The following ERFL variants were observed in gnomAD, a reference collection of about 807,000 sequenced individuals.
ERFL encodes ETS domain-containing transcription factor ERF-like.
Under a neutral mutation model 27.9 loss-of-function variants are expected in ERFL, and 8 were observed. That is an observed-to-expected ratio of 0.29 (90% CI 0.17 to 0.52). The LOEUF (loss-of-function observed/expected upper bound fraction) is 0.52, where lower values mean the gene tolerates loss of function less well. Ranked by LOEUF, ERFL falls within the 20% of genes least tolerant of loss-of-function variation. The pLI is 0.97. For synonymous variants in ERFL, 174 were observed against 202.8 expected, an observed-to-expected ratio of 0.86 and a Z score of 1.21; for missense variants, 294 against 444.4, an observed-to-expected ratio of 0.66 and a Z score of 3.04.
Position 41,925,178 on chromosome 19 carries a change from A to G in ERFL, c.-14+2862T>C, listed in dbSNP as rs186404970. On this transcript the variant is annotated intron_variant, in intron 1 of 5. Coordinates refer to ENST00000597630, the MANE Select transcript of ERFL (RefSeq NM_001365103.2). The stretch of plus-strand genomic sequence containing the variant: ...GCATAGTGGGTGTCGAAGCCTCGGT[A>G]TCTGTTTGCTGATTAAATGATTTGA... Among the ~76,000 whole-genome samples, 116 of 152,266 alleles carry G rather than the reference A, an allele frequency of 7.6e-4. 2 individuals carry two copies. The highest frequency in any genetic ancestry group is 2.7e-3 in the African/African-American group (113 of 41,546).
At position 41,908,375 on chromosome 19, in the gene ERFL, A is replaced by AC; in HGVS notation, c.917dup (p.Pro307SerfsTer26). ...CCTTCCCACCAAGGGCAGCCTCTGG[A>AC]CCCCCAGCCCCTGGCAGCGCCAGGC... On this transcript the variant is annotated frameshift_variant, in exon 6 of 6. Coordinates refer to ENST00000597630, the MANE Select transcript of ERFL (RefSeq NM_001365103.2). LOFTEE classifies it high-confidence loss of function. This position sits in a 1 kb window ranked among gnomAD's most constrained non-coding sequence, Gnocchi z 6.7. 4 of 1,230,826 alleles carry AC rather than the reference A, an allele frequency of 3.2e-6. No homozygotes were observed. The highest frequency in any genetic ancestry group is 4.1e-6 in the Non-Finnish European group (4 of 987,556). 76.2% of individuals were successfully genotyped at this position (1,230,826 alleles called of 1,614,324 possible).
chr19:41,915,325 G>T (rs1555851879), intron 1 of ERFL, among the ~76,000 whole-genome samples: 2 of 151,376 alleles, frequency 1.3e-5, no homozygotes, highest in East Asian at 2.0e-4. Context: ...TCTGTGCCCA[G>T]CCTTCGTCCT....
intron 1 of ERFL, among the ~76,000 whole-genome samples, chr19:41,918,005 C>T (rs902722942): frequency 8.6e-5 from 13 of 151,984 alleles, no homozygotes; most frequent in African/African-American, 2.9e-4. Flanking sequence ...CAGGGGCCGG[C>T]CCTCGACAGG....
At chr19:41,924,720 G>A (rs1599681541) in intron 1 of ERFL, among the ~76,000 whole-genome samples, 1 of 152,094 alleles carries the variant, frequency 6.6e-6, no homozygotes, top group African/African-American at 2.4e-5. Flanking sequence ...GGGGGTGGCT[G>A]GGAACAGGCG....
At chr19:41,926,568 G>C (rs1350738386) in intron 1 of ERFL, among the ~76,000 whole-genome samples, 1 of 152,098 alleles carries the variant, frequency 6.6e-6, no homozygotes, top group Non-Finnish European at 1.5e-5. Context: ...TCTGGCTCTC[G>C]GGTCCCTCCC....
In ERFL at chr19:41,916,045, C is replaced by G. The variant is rs1356016125; in HGVS notation, c.-13-3113G>C. Among the ~76,000 whole-genome samples, 4 of 152,214 alleles carry G rather than the reference C, an allele frequency of 2.6e-5. No individual in the cohort carries two copies. The East Asian group carries it at 7.7e-4, about 29-fold the overall frequency. The stretch of plus-strand genomic sequence containing the variant: ...CCCTTCGCCCCCCATCTCTACCGCC[C>G]GCAGCCATGGCACCGAATGTGTGTG... On this transcript the variant is annotated intron_variant, in intron 1 of 5. Transcript: ENST00000597630. The surrounding 1 kb of genome is among the most constrained non-coding windows in gnomAD (Gnocchi z 5.4).
rs2074761662 is a variant in ERFL, at chr19:41,912,835, G to C, written c.67+18C>G. 1.0e-6 allele frequency: 1 copy of C among 958,456 alleles called. No individual in the cohort carries two copies. The highest frequency in any genetic ancestry group is 3.5e-5 in the East Asian group (1 of 28,536). The allele number at this position is 958,456 out of a possible 1,614,324, so 59.4% of individuals were successfully genotyped here. A position where few individuals can be genotyped will look rare whatever the true frequency, so the allele number is the denominator to read the frequency against. ...CTGAGGGGTGGGGGAAGGGGTGGGG[G>C]AGGTCCGGGCCAGTTACCGGGGGTC... is the stretch of plus-strand genomic sequence containing the variant. On this transcript the variant is annotated intron_variant, in intron 2 of 5. Coordinates refer to ENST00000597630, the MANE Select transcript of ERFL (RefSeq NM_001365103.2).
intron 2 of ERFL, 37 bp downstream of exon 2, chr19:41,912,816 G>A: frequency 1.2e-6 from 1 of 815,378 alleles, no homozygotes; most frequent in Non-Finnish European, 1.6e-6. Flanking sequence ...AAGCCTGAGG[G>A]GTGGGGGAAG....
rs373882349 is a variant in ERFL at position 41,915,552 on chromosome 19, CCT to C, written c.-13-2622_-13-2621del. Among the ~76,000 whole-genome samples the C allele has an allele frequency of 4.0e-3, 612 of 152,180 alleles. 4 individuals carry two copies. Among genetic ancestry groups the C allele is most frequent in the African/African-American group, 0.014 (593 of 41,514 alleles). On this transcript the variant is annotated intron_variant, in intron 1 of 5. Transcript: ENST00000597630. ...TTTTAATGTCTAGGGTCTCCACACC[CCT>C]GTCTCCGTCTCCACATCTCCATATC...
intron 2 of ERFL, among the ~76,000 whole-genome samples, chr19:41,911,505 C>T (rs1400906267): frequency 1.3e-5 from 2 of 152,214 alleles, no homozygotes; most frequent in Non-Finnish European, 2.9e-5. Flanking sequence ...AGGTGGAAGG[C>T]AAGGGGGCGC....
In ERFL at chr19:41,909,521, G is replaced by A. The variant is rs962962078; in HGVS notation, c.303-50C>T. On this transcript the variant is annotated intron_variant, in intron 3 of 5. Coordinates refer to ENST00000597630, the MANE Select transcript of ERFL (RefSeq NM_001365103.2). The surrounding 1 kb of genome is among the most constrained non-coding windows in gnomAD (Gnocchi z 5.2). ...GGAGGTGCAGGGGGAGCCCTGGGGCGGGATCTGGGGTTTCTTAATGCGTGT... is the reference window on the plus strand; with the variant it reads ...GGAGGTGCAGGGGGAGCCCTGGGGCAGGATCTGGGGTTTCTTAATGCGTGT... 128 of 1,222,570 alleles carry A rather than the reference G, an allele frequency of 1.0e-4. No homozygotes were observed. The highest frequency in any genetic ancestry group is 1.1e-4 in the Non-Finnish European group (111 of 972,346). 75.7% of individuals were successfully genotyped at this position (1,222,570 alleles called of 1,614,324 possible). A position where few individuals can be genotyped will look rare whatever the true frequency, so the allele number is the denominator to read the frequency against.
Position 41,910,994 on chromosome 19 carries a change from C to G in ERFL, c.68-897G>C, listed in dbSNP as rs963942278. On this transcript the variant is annotated intron_variant, in intron 2 of 5. Coordinates refer to ENST00000597630, the MANE Select transcript of ERFL (RefSeq NM_001365103.2). The surrounding 1 kb of genome is among the most constrained non-coding windows in gnomAD (Gnocchi z 4.4). ...ACACAAATGCCTGACAAGACACACA[C>G]AGGACCCCAAATGCCCAAAGAACAC... 1.4e-4 allele frequency among the ~76,000 whole-genome samples: 21 copies of G among 152,220 alleles called. No homozygotes were observed. The highest frequency in any genetic ancestry group is 1.0e-4 in the Non-Finnish European group (7 of 68,034).
Position 41,910,516 on chromosome 19 carries a change from T to C in ERFL, c.68-419A>G, listed in dbSNP as rs139664101. ...TCTTGTACCCTGCGGTGCCCTCAGC[T>C]CTTACTGTCTCTGTTCCCCATTCCC... On this transcript the variant is annotated intron_variant, in intron 2 of 5. Transcript: ENST00000597630. The surrounding 1 kb of genome is among the most constrained non-coding windows in gnomAD (Gnocchi z 4.4). 4.7e-3 allele frequency among the ~76,000 whole-genome samples: 714 copies of C among 152,168 alleles called. 14 individuals are homozygous for C. Among genetic ancestry groups the C allele is most frequent in the East Asian group, 0.039 (201 of 5,166 alleles).
rs527841091 is a variant in ERFL at position 41,909,886 on chromosome 19, G to A, written c.279C>T (p.Tyr93=). Residue 93 remains tyrosine, a synonymous_variant, in exon 3 of 6, where the codon TAC becomes TAT. Coordinates refer to ENST00000597630, the MANE Select transcript of ERFL (RefSeq NM_001365103.2). This position sits in a 1 kb window ranked among gnomAD's most constrained non-coding sequence, Gnocchi z 5.2. Reference sequence around the variant, plus strand: ...ACCGCAGGGCCCGGCTCAGCTTGTCGTAATTCATGTGGGGCTTGCATTTGC... The same window carrying A: ...ACCGCAGGGCCCGGCTCAGCTTGTCATAATTCATGTGGGGCTTGCATTTGC... The part of the protein sequence containing the change: ...GIRKCKPHMN[Y]DKLSRALRYY... 7 of 1,613,000 alleles carry A rather than the reference G, an allele frequency of 4.3e-6. No homozygotes were observed. Among genetic ancestry groups the A allele is most frequent in the Admixed American group, 1.7e-5 (1 of 59,896 alleles).
Position 41,908,079 on chromosome 19 carries a change from C to A in ERFL, c.*149G>T. 1.8e-6 allele frequency: 1 copy of A among 545,618 alleles called. No individual in the cohort carries two copies. Among genetic ancestry groups the A allele is most frequent in the Non-Finnish European group, 2.8e-6 (1 of 361,928 alleles). 33.8% of individuals were successfully genotyped at this position (545,618 alleles called of 1,614,324 possible). A position where few individuals can be genotyped will look rare whatever the true frequency, so the allele number is the denominator to read the frequency against. ...GGAGGGGGAAGTGAGACCCCCCCCA[C>A]TCTGGGGCTGGGGAAGGAGACTGGG... On this transcript the variant is annotated 3_prime_UTR_variant, in exon 6 of 6. Transcript: ENST00000597630. The surrounding 1 kb of genome is among the most constrained non-coding windows in gnomAD (Gnocchi z 6.7).
At position 41,915,819 on chromosome 19, in the gene ERFL, G is replaced by A. The variant is rs533914524; in HGVS notation, c.-13-2887C>T. On this transcript the variant is annotated intron_variant, in intron 1 of 5. Transcript: ENST00000597630. The stretch of plus-strand genomic sequence containing the variant: ...GCTGATCGACTGATGGAGGGAGCGC[G>A]GCCTGCGGGGCCTGGGGCTGCAGGG... 7.2e-5 allele frequency among the ~76,000 whole-genome samples: 11 copies of A among 152,214 alleles called. No individual in the cohort carries two copies. In the South Asian group the frequency reaches 8.3e-4, roughly 11 times the overall value.
rs1296008215 is a variant in ERFL at position 41,907,853 on chromosome 19, T to C, written c.*375A>G. The stretch of plus-strand genomic sequence containing the variant: ...CTCCCTGTCCCCAGGGGGGCCTATA[T>C]GGGGGGGGTGTCAGGACTGGGGCCA... On this transcript the variant is annotated 3_prime_UTR_variant, in exon 6 of 6. Coordinates refer to ENST00000597630, the MANE Select transcript of ERFL (RefSeq NM_001365103.2). 1 of 141,050 alleles carries C rather than the reference T, an allele frequency of 7.1e-6. No individual in the cohort carries two copies. The highest frequency in any genetic ancestry group is 1.4e-5 in the Non-Finnish European group (1 of 69,430). 8.7% of individuals were successfully genotyped at this position (141,050 alleles called of 1,614,324 possible). A position where few individuals can be genotyped will look rare whatever the true frequency, so the allele number is the denominator to read the frequency against.
intron 1 of ERFL, among the ~76,000 whole-genome samples, chr19:41,914,540 CCG>C (rs2074775298): frequency 6.9e-6 from 1 of 145,302 alleles, no homozygotes; most frequent in Non-Finnish European, 1.5e-5. Flanking sequence ...TCTCTGCTAT[CCG>C]TCTTTCCCTC....
At chr19:41,914,737 A>G (rs149149980) in intron 1 of ERFL, among the ~76,000 whole-genome samples, 48 of 3,546 alleles carry the variant, frequency 0.014, 6 homozygotes, top group Admixed American at 0.021. Flanking sequence ...CCCTTCCACC[A>G]TCTCTGTCTC....
Sources: allele counts gnomAD v4.1 joint callset (sites outside exome capture counted in the v4.1 genomes callset), GRCh38; gene constraint gnomAD v4.1.1; non-coding constraint Gnocchi (gnomAD v3.1); transcripts MANE v1.5; gene names NCBI Gene and HGNC (gene_info 2026-07-23, HGNC 2026-07-21).